CNTLN: variants seen among roughly 807,000 people sequenced by gnomAD.
CNTLN encodes centlein, also known as centlein, centrosomal protein.
CNTLN carries 212 observed loss-of-function variants against 180.0 expected under a neutral mutation model. The observed-to-expected ratio is 1.18, with a 90% confidence interval of 1.05 to 1.32. The LOEUF is 1.32. Ranked by LOEUF, CNTLN falls within the 40% of genes most tolerant of loss-of-function variation. CNTLN has a pLI of 0.00. For missense variants in CNTLN, 2,095 were observed against 1,610.9 expected, an observed-to-expected ratio of 1.30 and a Z score of -5.14; for synonymous variants, 722 against 563.1, an observed-to-expected ratio of 1.28 and a Z score of -3.99.
At chr9:17,195,458 C>T (rs563529506) in intron 2 of CNTLN, among the ~76,000 whole-genome samples, 17 of 152,172 alleles carry the variant, frequency 1.1e-4, no homozygotes, top group African/African-American at 3.9e-4. Flanking sequence ...CATCTCAGAA[C>T]GAATACCAAA....
intron 2 of CNTLN, chr9:17,167,030 A>G (rs549134840): frequency 1.1e-4 from 27 of 241,218 alleles, no homozygotes; most frequent in Non-Finnish European, 2.0e-4. Flanking sequence ...AAAAATTAGC[A>G]GTGATAGATT....
intron 1 of CNTLN, among the ~76,000 whole-genome samples, chr9:17,136,958 A>G (rs1817760527): frequency 6.6e-6 from 1 of 152,120 alleles, no homozygotes; most frequent in African/African-American, 2.4e-5. Context: ...CTTTCCTCCC[A>G]CTTCTGCCTC....
intron 12 of CNTLN, among the ~76,000 whole-genome samples, chr9:17,348,450 C>T (rs952367125): frequency 6.6e-6 from 1 of 152,030 alleles, no homozygotes; most frequent in Non-Finnish European, 1.5e-5. Context: ...GCTGACATTG[C>T]ATCGAGAGAG....
At chr9:17,393,452 A>G (rs1564064874) in intron 14 of CNTLN, among the ~76,000 whole-genome samples, 1 of 152,044 alleles carries the variant, frequency 6.6e-6, no homozygotes, top group Non-Finnish European at 1.5e-5. Flanking sequence ...ATCTTTGTTC[A>G]TTTTCCATAC....
the CNTLN span, among the ~76,000 whole-genome samples, chr9:17,511,838 C>G: frequency 6.6e-6 from 1 of 152,146 alleles, no homozygotes; most frequent in Non-Finnish European, 1.5e-5. Flanking sequence ...TGCCTTGAAG[C>G]TGTCTGCAAG....
intron 12 of CNTLN, among the ~76,000 whole-genome samples, chr9:17,358,405 A>G (rs575281970): frequency 5.3e-5 from 8 of 152,270 alleles, no homozygotes; most frequent in Middle Eastern, 3.4e-3. Flanking sequence ...TAAGTGTAAA[A>G]TGTTTAGAAA....
chr9:17,271,559 A>G (rs757000899), intron 5 of CNTLN, among the ~76,000 whole-genome samples: 1 of 152,150 alleles, frequency 6.6e-6, no homozygotes, highest in African/African-American at 2.4e-5. Flanking sequence ...TAAAATACAT[A>G]TATTATATCC....
chr9:17,317,064 G>C (rs1819588569), intron 8 of CNTLN, among the ~76,000 whole-genome samples: 1 of 151,740 alleles, frequency 6.6e-6, no homozygotes, highest in Non-Finnish European at 1.5e-5. Flanking sequence ...TTAATGTTGA[G>C]AAGATATCAT....
chr9:17,242,490 T>C (rs1439219060), intron 5 of CNTLN, among the ~76,000 whole-genome samples: 1 of 152,114 alleles, frequency 6.6e-6, no homozygotes, highest in Non-Finnish European at 1.5e-5. Flanking sequence ...TTTCTTTTTT[T>C]AGTAGAGACA....
In CNTLN at chr9:17,416,827, G is replaced by A. The variant is rs993653928; in HGVS notation, c.3114+638G>A. On this transcript the variant is annotated intron_variant, in intron 18 of 25. Transcript: ENST00000380647. Reference sequence around the variant, plus strand: ...TGTTCTTTAGGTCTTCATTCTTTACGCTATTTGCTTGTGTAATGAATGATT... The same window carrying A: ...TGTTCTTTAGGTCTTCATTCTTTACACTATTTGCTTGTGTAATGAATGATT... 5.6e-4 allele frequency among the ~76,000 whole-genome samples: 85 copies of A among 152,106 alleles called. 1 individual carries two copies. The highest frequency in any genetic ancestry group is 1.9e-3 in the African/African-American group (80 of 41,514).
At chr9:17,233,095 C>T (rs1824912440) in intron 3 of CNTLN, among the ~76,000 whole-genome samples, 1 of 152,012 alleles carries the variant, frequency 6.6e-6, no homozygotes, top group Non-Finnish European at 1.5e-5. Flanking sequence ...AATGAAAACT[C>T]TTGAAATGCA....
At position 17,260,969 on chromosome 9, in the gene CNTLN, G is replaced by A. The variant is rs1231879972; in HGVS notation, c.850-12764G>A. Among the ~76,000 whole-genome samples the A allele has an allele frequency of 4.6e-5, 7 of 151,240 alleles. No individual in the cohort carries two copies. In the East Asian group the frequency reaches 1.4e-3, roughly 29 times the overall value. On this transcript the variant is annotated intron_variant, in intron 5 of 25. Coordinates refer to ENST00000380647, the MANE Select transcript of CNTLN (RefSeq NM_017738.4). ...TTCATGTTTTTGTCAGCTTTGTTAAGGATCAGGTAATTGTAGGTGTGCAAC... is the reference window on the plus strand; with the variant it reads ...TTCATGTTTTTGTCAGCTTTGTTAAAGATCAGGTAATTGTAGGTGTGCAAC...
chr9:17,492,927 A>G (rs1232657790), intron 25 of CNTLN, among the ~76,000 whole-genome samples: 1 of 152,206 alleles, frequency 6.6e-6, no homozygotes, highest in Non-Finnish European at 1.5e-5. Context: ...GTACTGAAAC[A>G]TGCTACAATA....
chr9:17,351,078 A>G (rs1452837306), intron 12 of CNTLN, among the ~76,000 whole-genome samples: 1 of 152,210 alleles, frequency 6.6e-6, no homozygotes, highest in African/African-American at 2.4e-5. Context: ...CCAGTATATG[A>G]AAAAGCTGGT....
At chr9:17,243,749 G>A (rs1303560430) in intron 5 of CNTLN, among the ~76,000 whole-genome samples, 1 of 152,118 alleles carries the variant, frequency 6.6e-6, no homozygotes, top group East Asian at 1.9e-4. Flanking sequence ...CCTTGAGAAC[G>A]AGCTACATGC....
At chr9:17,318,896 C>T (rs1390335224) in intron 8 of CNTLN, among the ~76,000 whole-genome samples, 5 of 152,254 alleles carry the variant, frequency 3.3e-5, no homozygotes, top group African/African-American at 1.2e-4. Context: ...TTCATTTATT[C>T]AGTTATGTAG....
intron 2 of CNTLN, among the ~76,000 whole-genome samples, chr9:17,225,548 C>A (rs1285516493): frequency 2.0e-5 from 3 of 152,020 alleles, no homozygotes; most frequent in Admixed American, 2.0e-4. Flanking sequence ...TGACTGGTGT[C>A]AGCCTGATTA....
chr9:17,285,413 AT>A (rs1391784473), intron 6 of CNTLN, among the ~76,000 whole-genome samples: 1 of 148,854 alleles, frequency 6.7e-6, no homozygotes, highest in Non-Finnish European at 1.5e-5. Context: ...ATTGTTGGAC[AT>A]TTGGGTTGGT....
chr9:17,279,444 G>A (rs1828522025), intron 6 of CNTLN, among the ~76,000 whole-genome samples: 1 of 152,118 alleles, frequency 6.6e-6, no homozygotes, highest in Non-Finnish European at 1.5e-5. Flanking sequence ...TTTGGCCAGT[G>A]AAATGAGAGG....
Sources: allele counts gnomAD v4.1 joint callset (sites outside exome capture counted in the v4.1 genomes callset), GRCh38; gene constraint gnomAD v4.1.1; transcripts MANE v1.5; gene names NCBI Gene and HGNC (gene_info 2026-07-23, HGNC 2026-07-21).